TRAP1: variants seen among roughly 807,000 people sequenced by gnomAD.
The protein encoded by TRAP1 is heat shock protein 75 kDa, mitochondrial.
Under a neutral mutation model 89.1 loss-of-function variants are expected in TRAP1, and 102 were observed. That is an observed-to-expected ratio of 1.15 (90% CI 0.98 to 1.35). The LOEUF (loss-of-function observed/expected upper bound fraction) is 1.35. Ranked by LOEUF, TRAP1 falls within the 40% of genes most tolerant of loss-of-function variation. The pLI, the probability that TRAP1 is intolerant of heterozygous loss-of-function variation, is 0.00. For missense variants in TRAP1, 1,256 were observed against 945.3 expected (o/e 1.33, Z -4.31); for synonymous variants, 508 against 388.0 (o/e 1.31, Z -3.64).
intron 1 of TRAP1, among the ~76,000 whole-genome samples, chr16:3,691,553 C>G (rs373299184): frequency 1.4e-4 from 22 of 152,244 alleles, no homozygotes; most frequent in Middle Eastern, 3.4e-3. Context: ...TTCCCACATT[C>G]GCCTCACGGG....
chr16:3,705,291 G>A (rs766155183), intron 1 of TRAP1, among the ~76,000 whole-genome samples: 4 of 151,988 alleles, frequency 2.6e-5, no homozygotes, highest in African/African-American at 4.8e-5. Context: ...GGATGGTCTC[G>A]ATCTCCTGAC....
At chr16:3,680,486 T>C (rs746697264) in intron 4 of TRAP1, among the ~76,000 whole-genome samples, 3 of 152,230 alleles carry the variant, frequency 2.0e-5, no homozygotes, top group Non-Finnish European at 4.4e-5. Flanking sequence ...AGCAGAATGA[T>C]CTGACTGAGG....
intron 1 of TRAP1, among the ~76,000 whole-genome samples, chr16:3,693,245 G>A (rs959099675): frequency 1.3e-5 from 2 of 152,034 alleles, no homozygotes; most frequent in East Asian, 1.9e-4. Context: ...CACCATGCCC[G>A]GCCAACCCTA....
chr16:3,692,662 A>C (rs2051231586), intron 1 of TRAP1, among the ~76,000 whole-genome samples: 1 of 143,466 alleles, frequency 7.0e-6, no homozygotes, highest in Admixed American at 7.2e-5. Flanking sequence ...GCAATGGTGC[A>C]ATCTCGGCTC....
At chr16:3,663,076 G>C in intron 14 of TRAP1, 109 bp from the exon 15 acceptor site, 7 of 837,298 alleles carry the variant, frequency 8.4e-6, no homozygotes, top group Non-Finnish European at 1.8e-6. Context: ...CACCAGGATG[G>C]AGACACAAGC....
In TRAP1 at chr16:3,670,199, G is replaced by A. The variant is rs562088839; in HGVS notation, c.1235+1523C>T. Among the ~76,000 whole-genome samples, 9 of 149,878 alleles carry A rather than the reference G, an allele frequency of 6.0e-5. No individual in the cohort carries two copies. In the East Asian group the frequency reaches 1.2e-3, roughly 20 times the overall value. ...AGATCGAGACCATCCTGGCTAACACGGTGAAACCCTGTCTCTACTAAAGAT... is the reference window on the plus strand; with the variant it reads ...AGATCGAGACCATCCTGGCTAACACAGTGAAACCCTGTCTCTACTAAAGAT... On this transcript the variant is annotated intron_variant, in intron 11 of 17. Coordinates refer to ENST00000246957, the MANE Select transcript of TRAP1 (RefSeq NM_016292.3).
chr16:3,684,609 G>A (rs889602022), intron 4 of TRAP1, among the ~76,000 whole-genome samples: 1 of 152,186 alleles, frequency 6.6e-6, no homozygotes. Flanking sequence ...GGCCAACGTG[G>A]TGAAACCCCA....
chr16:3,674,327 A>G lies in TRAP1; in HGVS notation c.1044+12T>C, dbSNP rs770817101. On this transcript the variant is annotated intron_variant, in intron 9 of 17. Coordinates refer to ENST00000246957, the MANE Select transcript of TRAP1 (RefSeq NM_016292.3). ...TCACCCTGAGGGCCGTGGGACTGCCACAGTGCCTCACCATGTCGGGCACGT... is the reference window on the plus strand; with the variant it reads ...TCACCCTGAGGGCCGTGGGACTGCCGCAGTGCCTCACCATGTCGGGCACGT... The G allele has an allele frequency of 6.2e-7, 1 of 1,613,614 alleles. No individual in the cohort carries two copies. The highest frequency in any genetic ancestry group is 8.5e-7 in the Non-Finnish European group (1 of 1,179,796).
intron 1 of TRAP1, among the ~76,000 whole-genome samples, chr16:3,716,640 A>G (rs1267449264): frequency 6.7e-6 from 1 of 149,938 alleles, no homozygotes; most frequent in Non-Finnish European, 1.5e-5. Context: ...AGAATAAAAA[A>G]TACTTATACG....
chr16:3,717,503 C>G lies in TRAP1; in HGVS notation c.6G>C (p.Ala2=), dbSNP rs781052785. 852 of 1,352,152 alleles carry G rather than the reference C, an allele frequency of 6.3e-4. 3 individuals are homozygous for G. The highest frequency in any genetic ancestry group is 6.2e-4 in the Non-Finnish European group (654 of 1,053,694). The allele number at this position is 1,352,152 out of a possible 1,614,324, so 83.8% of individuals were successfully genotyped here. A position where few individuals can be genotyped will look rare whatever the true frequency, so the allele number is the denominator to read the frequency against. M[A]RELRALLLWG... ...ACAGCAGCAGCGCCCGCAGCTCGCG[C>G]GCCATGTCGTACTCCCAGAGCGCCG... Residue 2 remains alanine, a synonymous_variant, in exon 1 of 18, where the codon GCG becomes GCC. Coordinates refer to ENST00000246957, the MANE Select transcript of TRAP1 (RefSeq NM_016292.3).
At chr16:3,706,793 T>C (rs2051453305) in intron 1 of TRAP1, among the ~76,000 whole-genome samples, 1 of 152,102 alleles carries the variant, frequency 6.6e-6, no homozygotes, top group Non-Finnish European at 1.5e-5. Context: ...CTTCAGATTG[T>C]TTTCATTTTC....
intron 1 of TRAP1, among the ~76,000 whole-genome samples, chr16:3,691,470 C>G (rs2051213815): frequency 6.6e-6 from 1 of 152,228 alleles, no homozygotes; most frequent in South Asian, 2.1e-4. Context: ...ATCTTCCCGC[C>G]TTGGCCTTAC....
intron 16 of TRAP1, chr16:3,661,591 A>G (rs2043077933): frequency 5.5e-6 from 1 of 181,670 alleles, no homozygotes; most frequent in Non-Finnish European, 1.1e-5. Context: ...GGCTATGAAA[A>G]TGAACTTGTG....
intron 1 of TRAP1, among the ~76,000 whole-genome samples, chr16:3,704,521 A>G (rs1455127946): frequency 6.6e-6 from 1 of 152,204 alleles, no homozygotes; most frequent in Non-Finnish European, 1.5e-5. Context: ...ATCAAATATT[A>G]AAGAACATTA....
intron 1 of TRAP1, among the ~76,000 whole-genome samples, chr16:3,694,894 C>G (rs1277591670): frequency 6.6e-6 from 1 of 152,160 alleles, no homozygotes; most frequent in Non-Finnish European, 1.5e-5. Context: ...AGCAAGAAGT[C>G]CAAGATCAAG....
intron 2 of TRAP1, 105 bp downstream of exon 2, chr16:3,690,722 T>G: frequency 8.3e-7 from 1 of 1,198,668 alleles, no homozygotes; most frequent in South Asian, 3.0e-5. Context: ...ATTTCACACC[T>G]AAGGCGGTGG....
intron 2 of TRAP1, 43 bp from the exon 3 acceptor site, chr16:3,689,180 A>G (rs2051178568): frequency 1.9e-6 from 3 of 1,538,850 alleles, no homozygotes; most frequent in South Asian, 2.3e-5. Flanking sequence ...TTTAACTTCT[A>G]TTTTTGTGCA....
At chr16:3,690,592 T>C (rs1469501907) in intron 2 of TRAP1, among the ~76,000 whole-genome samples, 1 of 151,844 alleles carries the variant, frequency 6.6e-6, no homozygotes, top group Non-Finnish European at 1.5e-5. Context: ...TCAGGGGAGG[T>C]GCCGGACGGC....
rs945365977 is a variant in TRAP1, at chr16:3,658,574, G to T, written c.2013+219C>A. 5 of 584,036 alleles carry T rather than the reference G, an allele frequency of 8.6e-6. No individual in the cohort carries two copies. The East Asian group carries it at 1.4e-4, about 17-fold the overall frequency. 36.2% of individuals were successfully genotyped at this position (584,036 alleles called of 1,614,324 possible). A position where few individuals can be genotyped will look rare whatever the true frequency, so the allele number is the denominator to read the frequency against. On this transcript the variant is annotated intron_variant, in intron 17 of 17. Coordinates refer to ENST00000246957, the MANE Select transcript of TRAP1 (RefSeq NM_016292.3). Reference sequence around the variant, plus strand: ...TGTAGTCCCAGCTACTCGGGAGGCTGAGGCAGGGGAATTGCTTGAACCCGG... The same window carrying T: ...TGTAGTCCCAGCTACTCGGGAGGCTTAGGCAGGGGAATTGCTTGAACCCGG...
Sources: gnomAD v4.1 joint callset for allele counts (sites outside exome capture counted in the v4.1 genomes callset) on GRCh38, gnomAD v4.1.1 for gene constraint, MANE v1.5 for transcripts, NCBI Gene and HGNC (gene_info 2026-07-23, HGNC 2026-07-21) for gene names.